The following CFAP46 variants were observed in gnomAD, a reference collection of about 807,000 sequenced individuals.
The protein encoded by CFAP46 is cilia- and flagella-associated protein 46.
In CFAP46, 245 loss-of-function variants were observed where a neutral mutation model predicts 325.7. The observed-to-expected ratio is 0.75, with a 90% CI of 0.68 to 0.84. The LOEUF (loss-of-function observed/expected upper bound fraction) is 0.84. Ranked by LOEUF, CFAP46 falls within the 40% of genes least tolerant of loss-of-function variation. The pLI, the probability that CFAP46 is intolerant of heterozygous loss-of-function variation, is 0.00. For missense variants in CFAP46, 3,346 were observed against 3,543.0 expected (o/e 0.94, Z 1.41); for synonymous variants, 1,523 against 1,495.9 (o/e 1.02, Z -0.42).
At position 132,889,659 on chromosome 10, in the gene CFAP46, T is replaced by C. The variant is rs1849227209; in HGVS notation, c.3304+2674A>G. On this transcript the variant is annotated intron_variant, in intron 25 of 57. Coordinates refer to ENST00000368586, the MANE Select transcript of CFAP46 (RefSeq NM_001200049.3). This position sits in a 1 kb window ranked among gnomAD's most constrained non-coding sequence, Gnocchi z 6.0. ...ATGTCCTGGGACCACCCAGTACACA[T>C]CCAATTCACGGGCGGAGGCACTGCA... Among the ~76,000 whole-genome samples, 1 of 152,070 alleles carries C rather than the reference T, an allele frequency of 6.6e-6. No homozygotes were observed. The highest frequency in any genetic ancestry group is 2.1e-4 in the South Asian group (1 of 4,812).
Position 132,851,892 on chromosome 10 carries a change from A to G in CFAP46, c.5575-587T>C, listed in dbSNP as rs554737662. Among the ~76,000 whole-genome samples the G allele has an allele frequency of 3.3e-5, 5 of 149,766 alleles. No individual in the cohort carries two copies. In the East Asian group the frequency reaches 7.7e-4, roughly 23 times the overall value. On this transcript the variant is annotated intron_variant, in intron 39 of 57. Coordinates refer to ENST00000368586, the MANE Select transcript of CFAP46 (RefSeq NM_001200049.3). ...TAGGAATTCTCAGATCCTGATCCAC[A>G]GACGTGGTATGTTCCTCCATTTACT...
At position 132,850,362 on chromosome 10, in the gene CFAP46, C is replaced by T; in HGVS notation, c.5834G>A (p.Ser1945Asn). 1 of 1,567,220 alleles carries T rather than the reference C, an allele frequency of 6.4e-7. No homozygotes were observed. Among genetic ancestry groups the T allele is most frequent in the Non-Finnish European group, 8.7e-7 (1 of 1,155,830 alleles). The change falls in exon 41 of 58, where the codon AGC becomes AAC. Residue 1945 changes from serine (S) to asparagine (N), a missense_variant. By Grantham distance (46) the Ser-to-Asn change is conservative. Transcript: ENST00000368586. ...GGCGCGGATCTCCACACAGCCCACG[C>T]TCAGCGGCTGCAGGCTCCCCAGCTG... is the stretch of plus-strand genomic sequence containing the variant. ...LAQLGSLQPL[S>N]VGCVEIRARL...
At chr10:132,833,957 C>G in intron 49 of CFAP46, 84 bp downstream of exon 49, 1 of 1,332,716 alleles carries the variant, frequency 7.5e-7, no homozygotes, top group African/African-American at 1.4e-5. Context: ...CCCTGGCGTT[C>G]CCGGATGGGT....
chr10:132,827,113 T>C lies in CFAP46; in HGVS notation c.7117+6245A>G, dbSNP rs1386074648. ...GGCTCCCTGCCTCTCCACCCGGCAC[T>C]CCCACCCTCTCCACAGCCTGAGCCC... On this transcript the variant is annotated intron_variant, in intron 50 of 57. Transcript: ENST00000368586. This position sits in a 1 kb window ranked among gnomAD's most constrained non-coding sequence, Gnocchi z 5.7. 1.3e-5 allele frequency among the ~76,000 whole-genome samples: 2 copies of C among 152,034 alleles called. No homozygotes were observed. The highest frequency in any genetic ancestry group is 2.4e-5 in the African/African-American group (1 of 41,406).
At position 132,934,983 on chromosome 10, in the gene CFAP46, C is replaced by T. The variant is rs545874091; in HGVS notation, c.756-121G>A. Reference sequence around the variant, plus strand: ...CACTGAAGAGGAGACTGAAAATAACCCCTCCTGCCTTCTTTCCTCAAATTC... The same window carrying T: ...CACTGAAGAGGAGACTGAAAATAACTCCTCCTGCCTTCTTTCCTCAAATTC... On this transcript the variant is annotated intron_variant, in intron 7 of 57. Coordinates refer to ENST00000368586, the MANE Select transcript of CFAP46 (RefSeq NM_001200049.3). 7 of 708,086 alleles carry T rather than the reference C, an allele frequency of 9.9e-6. No individual in the cohort carries two copies. The African/African-American group carries it at 1.1e-4, about 11-fold the overall frequency. 43.9% of individuals were successfully genotyped at this position (708,086 alleles called of 1,614,324 possible).
At chr10:132,941,192 G>A (rs947869228) in intron 3 of CFAP46, 132 bp from the exon 4 acceptor site, 36 of 873,500 alleles carry the variant, frequency 4.1e-5, no homozygotes, top group Non-Finnish European at 5.6e-5. Flanking sequence ...CACAGGTGAC[G>A]GTGTGGCAGA....
intron 27 of CFAP46, among the ~76,000 whole-genome samples, chr10:132,881,276 C>T (rs372628437): frequency 2.6e-5 from 4 of 152,214 alleles, no homozygotes; most frequent in South Asian, 4.1e-4. Context: ...ATTCCTTCCC[C>T]GTCTCCTCAC....
At chr10:132,922,388 G>C in intron 12 of CFAP46, 92 bp downstream of exon 12, 1 of 1,454,502 alleles carries the variant, frequency 6.9e-7, no homozygotes. Context: ...GCAGCCCTGG[G>C]CGGCTCCCGC....
chr10:132,823,385 C>T (rs1375236534), intron 50 of CFAP46, among the ~76,000 whole-genome samples: 5 of 80,004 alleles, frequency 6.2e-5, no homozygotes, highest in Non-Finnish European at 1.2e-4. Context: ...GCTGTGTGTG[C>T]ACTGATGTGT....
In CFAP46 at chr10:132,808,392, T is replaced by C. The variant is rs574080816; in HGVS notation, c.*29A>G. 1.8e-5 allele frequency: 29 copies of C among 1,579,504 alleles called. No individual in the cohort carries two copies. The highest frequency in any genetic ancestry group is 1.0e-4 in the Admixed American group (6 of 57,622). On this transcript the variant is annotated 3_prime_UTR_variant, in exon 58 of 58. Coordinates refer to ENST00000368586, the MANE Select transcript of CFAP46 (RefSeq NM_001200049.3). This position sits in a 1 kb window ranked among gnomAD's most constrained non-coding sequence, Gnocchi z 6.8. ...AGTCACGGAAACCACTCACAGAGAC[T>C]GGCTTTTGTTGTTTGTTTAGTGGAA...
chr10:132,835,731 G>C (rs1461297405), intron 46 of CFAP46, among the ~76,000 whole-genome samples: 1 of 152,064 alleles, frequency 6.6e-6, no homozygotes, highest in Non-Finnish European at 1.5e-5. Flanking sequence ...AGGGCTGGGA[G>C]AGGCCACACC....
intron 47 of CFAP46, 86 bp from the exon 48 acceptor site, chr10:132,834,861 G>C (rs1390724181): frequency 2.0e-6 from 3 of 1,487,138 alleles, no homozygotes; most frequent in East Asian, 2.3e-5. Context: ...CAGAAAGGCC[G>C]AGCTCCTGCC....
rs1448121461 is a variant in CFAP46 at position 132,923,405 on chromosome 10, C to T, written c.1257-697G>A. On this transcript the variant is annotated intron_variant, in intron 11 of 57. Coordinates refer to ENST00000368586, the MANE Select transcript of CFAP46 (RefSeq NM_001200049.3). ...CCTCGAGCAGCCCATGTGGGGGTGC[C>T]CTGGAACCCCTGGCCTTGAGCAGCC... Among the ~76,000 whole-genome samples, 3 of 137,984 alleles carry T rather than the reference C, an allele frequency of 2.2e-5. No homozygotes were observed. The East Asian group carries it at 6.9e-4, about 32-fold the overall frequency. 90.5% of individuals were successfully genotyped at this position (137,984 alleles called of 152,430 possible).
chr10:132,885,164 AG>A lies in CFAP46; in HGVS notation c.3565del (p.Leu1189Ter). The A allele has an allele frequency of 6.5e-7, 1 of 1,550,378 alleles. No homozygotes were observed. Among genetic ancestry groups the A allele is most frequent in the Middle Eastern group, 1.7e-4 (1 of 5,890 alleles). ...YLARMWHRLALNSPSVSGELA... is the reference protein window; with the variant it reads ...YLARMWHRLAXNSPSVSGELA... Reference sequence around the variant, plus strand: ...CTCTCCAGACACGCTCGGCGAGTTCAGGGCCAGGCGGTGCCACATGCGCGCC... The same window carrying A: ...CTCTCCAGACACGCTCGGCGAGTTCAGGCCAGGCGGTGCCACATGCGCGCC... On this transcript the variant is annotated frameshift_variant, in exon 27 of 58. Transcript: ENST00000368586. LOFTEE classifies it high-confidence loss of function.
At chr10:132,872,129 T>C (rs1791485236) in intron 32 of CFAP46, among the ~76,000 whole-genome samples, 1 of 152,274 alleles carries the variant, frequency 6.6e-6, no homozygotes, top group Admixed American at 6.5e-5. Flanking sequence ...TGACTTGTTT[T>C]AATGTGATAT....
chr10:132,812,808 C>A lies in CFAP46; in HGVS notation c.7478G>T (p.Arg2493Ile), dbSNP rs1847607947. 1 of 1,612,196 alleles carries A rather than the reference C, an allele frequency of 6.2e-7. No homozygotes were observed. The highest frequency in any genetic ancestry group is 1.7e-5 in the Admixed American group (1 of 59,978). Reference protein sequence around the residue: ...ESFLSHILVERLVAMNLQECQ... With the variant: ...ESFLSHILVEILVAMNLQECQ... Reference sequence around the variant, plus strand: ...ACCTTGCAAGTTCATGGCGACCAATCTCTCCACTAATATATGGGACAGGAA... The same window carrying A: ...ACCTTGCAAGTTCATGGCGACCAATATCTCCACTAATATATGGGACAGGAA... Residue 2493 changes from arginine (R) to isoleucine (I), a missense_variant, in exon 55 of 58, where the codon AGA (arginine) becomes ATA (isoleucine). Physicochemically the swap from Arg to Ile is moderately conservative, Grantham distance 97. Transcript: ENST00000368586.
At chr10:132,824,769 C>T (rs1239806483) in intron 50 of CFAP46, among the ~76,000 whole-genome samples, 1 of 102,656 alleles carries the variant, frequency 9.7e-6, no homozygotes. Context: ...CTGATGTGTG[C>T]TGTATGTTGT....
intron 17 of CFAP46, among the ~76,000 whole-genome samples, chr10:132,914,935 C>G (rs1849613520): frequency 1.3e-5 from 2 of 152,272 alleles, no homozygotes; most frequent in African/African-American, 4.8e-5. Context: ...TCCTCCCCAC[C>G]TGAATCACAT....
chr10:132,892,294 G>C (rs1849264252), intron 25 of CFAP46, 39 bp downstream of exon 25: 1 of 1,535,660 alleles, frequency 6.5e-7, no homozygotes, highest in South Asian at 1.2e-5. Flanking sequence ...CCCTTTCCTT[G>C]TACCTGGAGC....
Sources: gnomAD v4.1 joint callset for allele counts (sites outside exome capture counted in the v4.1 genomes callset) on GRCh38, gnomAD v4.1.1 for gene constraint, Gnocchi (gnomAD v3.1) non-coding constraint, MANE v1.5 for transcripts, NCBI Gene and HGNC (gene_info 2026-07-23, HGNC 2026-07-21) for gene names.